The following VWA3B variants were observed in gnomAD, a reference collection of about 807,000 sequenced individuals.
The protein encoded by VWA3B is von Willebrand factor A domain-containing protein 3B.
In VWA3B, 138 loss-of-function variants were observed where a neutral mutation model predicts 158.3. That is an observed-to-expected ratio of 0.87 (90% CI 0.76 to 1.00). The LOEUF (loss-of-function observed/expected upper bound fraction) is 1.00, where lower values mean the gene tolerates loss of function less well. VWA3B is among the 50% of genes least tolerant of loss of function. The probability of loss-of-function intolerance (pLI) is 0.00; values close to 1 mark genes in which losing one functional copy is unlikely to be tolerated. For synonymous variants in VWA3B, 596 were observed against 587.3 expected, an observed-to-expected ratio of 1.01 and a Z score of -0.21; for missense variants, 1,555 against 1,565.1, an observed-to-expected ratio of 0.99 and a Z score of 0.11.
intron 7 of VWA3B, among the ~76,000 whole-genome samples, chr2:98,149,721 G>C (rs551578797): frequency 6.6e-6 from 1 of 152,178 alleles, no homozygotes. Context: ...GTTTCCTTTT[G>C]ATTTAGTTCT....
At chr2:98,278,705 G>A (rs1688681563) in intron 22 of VWA3B, among the ~76,000 whole-genome samples, 1 of 152,070 alleles carries the variant, frequency 6.6e-6, no homozygotes, top group African/African-American at 2.4e-5. Flanking sequence ...CTCCATCTCT[G>A]CTACTCCACT....
At chr2:98,277,874 A>G (rs1180105967) in intron 22 of VWA3B, among the ~76,000 whole-genome samples, 1 of 152,222 alleles carries the variant, frequency 6.6e-6, no homozygotes, top group South Asian at 2.1e-4. Flanking sequence ...TTCAGTTATC[A>G]GTTATGTAAA....
chr2:98,109,001 T>C (rs1355520232), intron 2 of VWA3B, among the ~76,000 whole-genome samples: 1 of 150,746 alleles, frequency 6.6e-6, no homozygotes, highest in Non-Finnish European at 1.5e-5. Context: ...TTTCTTTTTT[T>C]TTTTTTTTGA....
At chr2:98,301,086 C>G (rs982847121) in intron 25 of VWA3B, among the ~76,000 whole-genome samples, 3 of 151,966 alleles carry the variant, frequency 2.0e-5, no homozygotes, top group African/African-American at 4.8e-5. Context: ...GTCAGGAGAT[C>G]GAGACCATCC....
chr2:98,097,601 T>C (rs1228067185), intron 2 of VWA3B, among the ~76,000 whole-genome samples: 1 of 152,204 alleles, frequency 6.6e-6, no homozygotes, highest in African/African-American at 2.4e-5. Flanking sequence ...CTTTTCCTTT[T>C]GGTAGATACT....
chr2:98,250,571 G>A (rs902995846), intron 20 of VWA3B, 135 bp downstream of exon 20: 4 of 705,638 alleles, frequency 5.7e-6, no homozygotes, highest in Non-Finnish European at 9.0e-6. Context: ...GCTGGGTGTG[G>A]TAGTTCATGC....
the VWA3B span, among the ~76,000 whole-genome samples, chr2:98,321,641 T>C: frequency 6.6e-6 from 1 of 152,140 alleles, no homozygotes; most frequent in Non-Finnish European, 1.5e-5. Flanking sequence ...TTTCTCTCAT[T>C]TGGAATGGTT....
chr2:98,131,932 G>T (rs1160587537), intron 6 of VWA3B, among the ~76,000 whole-genome samples: 1 of 152,212 alleles, frequency 6.6e-6, no homozygotes. Context: ...CATTGCTGTG[G>T]CTGCTCTTAC....
intron 2 of VWA3B, among the ~76,000 whole-genome samples, chr2:98,108,304 A>T (rs890797284): frequency 6.6e-6 from 1 of 152,210 alleles, no homozygotes; most frequent in African/African-American, 2.4e-5. Context: ...TACATGTTCC[A>T]TGAATACTTG....
intron 11 of VWA3B, among the ~76,000 whole-genome samples, chr2:98,193,558 A>G (rs1681772870): frequency 6.6e-6 from 1 of 152,054 alleles, no homozygotes; most frequent in African/African-American, 2.4e-5. Flanking sequence ...TATTAACCAT[A>G]GAAATAATAG....
chr2:98,275,994 C>A (rs1316421380), intron 22 of VWA3B, among the ~76,000 whole-genome samples: 1 of 152,230 alleles, frequency 6.6e-6, no homozygotes, highest in Non-Finnish European at 1.5e-5. Context: ...AGTGGCATCA[C>A]TGGGTCTGCT....
At chr2:98,164,190 G>C (rs924220925) in intron 8 of VWA3B, among the ~76,000 whole-genome samples, 1 of 152,170 alleles carries the variant, frequency 6.6e-6, no homozygotes, top group African/African-American at 2.4e-5. Flanking sequence ...AGGACCTTGC[G>C]GCAGAAGGGG....
chr2:98,116,124 C>T (rs899285036), intron 3 of VWA3B, among the ~76,000 whole-genome samples: 1 of 152,202 alleles, frequency 6.6e-6, no homozygotes, highest in Non-Finnish European at 1.5e-5. Flanking sequence ...AGAATGAGCA[C>T]CACCTCTGAC....
chr2:98,140,948 G>A lies in VWA3B; in HGVS notation c.988+7009G>A, dbSNP rs564368474. ...TCCCCTGTCCACAGTCTTGTGGCAT[G>A]TGCCCCAGGCCCCCTCACCAATGGC... is the stretch of plus-strand genomic sequence containing the variant. On this transcript the variant is annotated intron_variant, in intron 7 of 27. Coordinates refer to ENST00000477737, the MANE Select transcript of VWA3B (RefSeq NM_144992.5). Among the ~76,000 whole-genome samples the A allele has an allele frequency of 2.0e-5, 3 of 152,304 alleles. No individual in the cohort carries two copies. The South Asian group carries it at 6.2e-4, about 32-fold the overall frequency.
chr2:98,105,409 G>A (rs538682933), intron 2 of VWA3B, among the ~76,000 whole-genome samples: 1 of 152,278 alleles, frequency 6.6e-6, no homozygotes, highest in African/African-American at 2.4e-5. Context: ...TATGCAATGT[G>A]TTTGCAAGTC....
intron 20 of VWA3B, among the ~76,000 whole-genome samples, chr2:98,251,946 A>T (rs1432373336): frequency 6.6e-6 from 1 of 152,084 alleles, no homozygotes; most frequent in Admixed American, 6.5e-5. Context: ...AAGGATGAGC[A>T]TTTCTTTGGG....
chr2:98,113,791 C>A (rs927773735), intron 2 of VWA3B, among the ~76,000 whole-genome samples: 1 of 152,114 alleles, frequency 6.6e-6, no homozygotes. Flanking sequence ...GCCTCTTTTA[C>A]TTAGCTTAAT....
At chr2:98,170,478 T>C (rs1352868256) in intron 8 of VWA3B, among the ~76,000 whole-genome samples, 1 of 152,196 alleles carries the variant, frequency 6.6e-6, no homozygotes, top group Non-Finnish European at 1.5e-5. Flanking sequence ...TACAGGAGTT[T>C]AGAGCACATA....
chr2:98,262,373 A>C (rs183841771), intron 21 of VWA3B, among the ~76,000 whole-genome samples: 16 of 151,954 alleles, frequency 1.1e-4, no homozygotes, highest in Admixed American at 7.9e-4. Flanking sequence ...CAGTATAATG[A>C]AGCTTTATCC....
Sources: gnomAD v4.1 joint callset for allele counts (sites outside exome capture counted in the v4.1 genomes callset) on GRCh38, gnomAD v4.1.1 for gene constraint, MANE v1.5 for transcripts, NCBI Gene and HGNC (gene_info 2026-07-23, HGNC 2026-07-21) for gene names.